The following ZNF652 variants were observed in gnomAD, a reference collection of about 807,000 sequenced individuals.
The protein encoded by ZNF652 is zinc finger protein 652.
Under a neutral mutation model 45.2 loss-of-function variants are expected in ZNF652, and 16 were observed. The observed-to-expected ratio is 0.35, with a 90% CI of 0.24 to 0.54. The LOEUF (loss-of-function observed/expected upper bound fraction) is 0.54. Among genes scored for constraint, ZNF652 ranks in the 20% least tolerant of loss-of-function variants. ZNF652 has a pLI of 0.91. For missense variants in ZNF652, 614 were observed against 765.6 expected (o/e 0.80, Z 2.34); for synonymous variants, 250 against 260.6 (o/e 0.96, Z 0.39).
At chr17:49,310,784 CCCAG>C (rs200221959) in intron 5 of ZNF652, among the ~76,000 whole-genome samples, 3,924 of 152,266 alleles carry the variant, frequency 0.026, 160 homozygotes, top group African/African-American at 0.086. Flanking sequence ...CACCTGTGGT[CCCAG>C]CTACTTGGTA....
intron 1 of ZNF652, among the ~76,000 whole-genome samples, chr17:49,320,851 T>C (rs574014368): frequency 8.7e-5 from 13 of 149,756 alleles, no homozygotes; most frequent in South Asian, 6.5e-4. Context: ...TCTGGGCACA[T>C]GGTAGGCTAT....
chr17:49,305,550 CA>C (rs1333905746), intron 5 of ZNF652, among the ~76,000 whole-genome samples: 1 of 152,154 alleles, frequency 6.6e-6, no homozygotes, highest in Non-Finnish European at 1.5e-5. Flanking sequence ...AAAGTGCTTA[CA>C]ACAGTATCTG....
chr17:49,309,329 T>TAAAAAA (rs11307814), intron 5 of ZNF652, among the ~76,000 whole-genome samples: 56 of 66,308 alleles, frequency 8.4e-4, no homozygotes, highest in African/African-American at 3.4e-3. Context: ...CTGTCTCTAC[T>TAAAAAA]AAAAAAAAAA....
chr17:49,297,410 C>A lies in ZNF652; in HGVS notation c.*1003G>T. 6.6e-6 allele frequency: 1 copy of A among 152,610 alleles called. No homozygotes were observed. The allele number at this position is 152,610 out of a possible 1,614,324, so 9.5% of individuals were successfully genotyped here. ...TATTCAAATTTTCAAAACATGCAAG[C>A]TTTAGGTGACTTCCCTGGAAAAGGC... On this transcript the variant is annotated 3_prime_UTR_variant, in exon 6 of 6. Coordinates refer to ENST00000430262, the MANE Select transcript of ZNF652 (RefSeq NM_001145365.3).
intron 1 of ZNF652, among the ~76,000 whole-genome samples, chr17:49,351,335 T>C (rs566008876): frequency 2.7e-4 from 41 of 152,112 alleles, no homozygotes; most frequent in Non-Finnish European, 5.4e-4. Context: ...TATTTTTGGA[T>C]GTAGCCATTG....
At chr17:49,307,435 G>GAAAAAAAAAA (rs1175854049) in intron 5 of ZNF652, among the ~76,000 whole-genome samples, 1 of 40,474 alleles carries the variant, frequency 2.5e-5, no homozygotes, top group Non-Finnish European at 4.4e-5. Context: ...TGTCTCAAAA[G>GAAAAAAAAAA]AAAAAAAAAA....
chr17:49,329,923 C>G (rs2070005437), intron 1 of ZNF652, among the ~76,000 whole-genome samples: 1 of 152,180 alleles, frequency 6.6e-6, no homozygotes, highest in East Asian at 1.9e-4. Flanking sequence ...GCAATCTTAA[C>G]TTTCACCAAT....
Position 49,312,828 on chromosome 17 carries a change from T to C in ZNF652, c.918A>G (p.Lys306=). Residue 306 remains lysine, a synonymous_variant, in exon 3 of 6, where the codon AAA becomes AAG. Transcript: ENST00000430262. ...EKNIQCVSCN[K]SFKKLWSLHE... ...GAAGGGACCAGAGTTTCTTGAACGA[T>C]TTGTTACAGGAAACACACTGAGCAG... 2 of 1,613,950 alleles carry C rather than the reference T, an allele frequency of 1.2e-6. No individual in the cohort carries two copies. Among genetic ancestry groups the C allele is most frequent in the South Asian group, 2.2e-5 (2 of 91,034 alleles).
chr17:49,304,055 ATT>A (rs58790188), intron 5 of ZNF652, among the ~76,000 whole-genome samples: 3 of 117,394 alleles, frequency 2.6e-5, no homozygotes, highest in South Asian at 3.0e-4. Context: ...TGCCTGGCTA[ATT>A]TTTTTTTTTT....
At chr17:49,324,271 G>A (rs1042115613) in intron 1 of ZNF652, among the ~76,000 whole-genome samples, 2 of 152,226 alleles carry the variant, frequency 1.3e-5, no homozygotes, top group African/African-American at 4.8e-5. Context: ...GGCCTTCAAA[G>A]AAGTGAACAG....
chr17:49,359,393 T>C (rs2070370130), intron 1 of ZNF652, among the ~76,000 whole-genome samples: 1 of 152,198 alleles, frequency 6.6e-6, no homozygotes, highest in South Asian at 2.1e-4. Context: ...TTCAGGTGTA[T>C]GGAACAGGTT....
Position 49,293,960 on chromosome 17 carries a change from AGTT to A in ZNF652, c.*4450_*4452del, listed in dbSNP as rs954780859. On this transcript the variant is annotated 3_prime_UTR_variant, in exon 6 of 6. Transcript: ENST00000430262. ...CAAACAGAAAGGTTTCTCTAACTTT[AGTT>A]TTTTAGTTTTTTTTTAAAACATTAA... Among the ~76,000 whole-genome samples the A allele has an allele frequency of 6.6e-6, 1 of 152,134 alleles. No homozygotes were observed. Among genetic ancestry groups the A allele is most frequent in the Non-Finnish European group, 1.5e-5 (1 of 67,996 alleles).
At chr17:49,329,652 T>C (rs922967777) in intron 1 of ZNF652, among the ~76,000 whole-genome samples, 1 of 152,240 alleles carries the variant, frequency 6.6e-6, no homozygotes, top group East Asian at 1.9e-4. Flanking sequence ...AGAAGTGGAA[T>C]TGAGAAATGC....
chr17:49,327,776 TATA>T (rs1344187183), intron 1 of ZNF652, among the ~76,000 whole-genome samples: 38 of 2,282 alleles, frequency 0.017, no homozygotes, highest in African/African-American at 0.04. Context: ...TATATATATA[TATA>T]TTTTTTTTTT....
intron 1 of ZNF652, among the ~76,000 whole-genome samples, chr17:49,345,840 C>CAAAAAAAAAA (rs11381958): frequency 8.6e-6 from 1 of 115,708 alleles, no homozygotes. Context: ...GACTCCATCT[C>CAAAAAAAAAA]AAAAAAAAAA....
intron 1 of ZNF652, among the ~76,000 whole-genome samples, chr17:49,348,560 G>A (rs1598315288): frequency 2.0e-5 from 3 of 147,316 alleles, no homozygotes; most frequent in African/African-American, 7.7e-5. Flanking sequence ...GCAAGGAGAG[G>A]AATGGAGAGG....
In ZNF652 at chr17:49,320,977, A is replaced by G. The variant is rs146000064; in HGVS notation, c.-258-2994T>C. On this transcript the variant is annotated intron_variant, in intron 1 of 5. Transcript: ENST00000430262. Reference sequence around the variant, plus strand: ...CAATTCTCCTGCCTCAGCCTCCCAAAGTGCTGGGATTACAGGCGTGAGCCA... The same window carrying G: ...CAATTCTCCTGCCTCAGCCTCCCAAGGTGCTGGGATTACAGGCGTGAGCCA... 2.7e-3 allele frequency among the ~76,000 whole-genome samples: 393 copies of G among 143,642 alleles called. 10 individuals are homozygous for G. Among genetic ancestry groups the G allele is most frequent in the African/African-American group, 0.011 (374 of 33,786 alleles). 94.2% of individuals were successfully genotyped at this position (143,642 alleles called of 152,430 possible).
At chr17:49,343,949 A>G (rs759646609) in intron 1 of ZNF652, among the ~76,000 whole-genome samples, 26 of 152,190 alleles carry the variant, frequency 1.7e-4, no homozygotes, top group Non-Finnish European at 3.2e-4. Context: ...CTGTAATCCC[A>G]GCACTTTGGG....
intron 1 of ZNF652, among the ~76,000 whole-genome samples, chr17:49,329,768 G>C (rs967039864): frequency 6.6e-6 from 1 of 152,170 alleles, no homozygotes; most frequent in Non-Finnish European, 1.5e-5. Context: ...TCAACAATAT[G>C]CAAGTGCAAC....
Sources: allele counts gnomAD v4.1 joint callset (sites outside exome capture counted in the v4.1 genomes callset), GRCh38; gene constraint gnomAD v4.1.1; transcripts MANE v1.5; gene names NCBI Gene and HGNC (gene_info 2026-07-23, HGNC 2026-07-21).